The following TTL variants were observed in gnomAD, a reference collection of about 807,000 sequenced individuals.
TTL encodes tubulin tyrosine ligase.
In TTL, 10 loss-of-function variants were observed where a neutral mutation model predicts 41.1. That is an observed-to-expected ratio of 0.24 (90% CI 0.15 to 0.41). The LOEUF (loss-of-function observed/expected upper bound fraction) is 0.41, where lower values mean the gene tolerates loss of function less well. Ranked by LOEUF, TTL falls within the 10% of genes least tolerant of loss-of-function variation. TTL has a pLI of 1.00. For synonymous variants in TTL, 175 were observed against 175.5 expected, an observed-to-expected ratio of 1.00 and a Z score of 0.02; for missense variants, 367 against 460.4, an observed-to-expected ratio of 0.80 and a Z score of 1.86.
chr2:112,516,779 C>G (rs752629679), intron 5 of TTL, among the ~76,000 whole-genome samples: 1 of 152,204 alleles, frequency 6.6e-6, no homozygotes, highest in Non-Finnish European at 1.5e-5. Context: ...TACCCTGTCA[C>G]AATGACTGAG....
At chr2:112,523,041 AC>A (rs926085627) in intron 6 of TTL, among the ~76,000 whole-genome samples, 24 of 151,046 alleles carry the variant, frequency 1.6e-4, no homozygotes, top group African/African-American at 5.6e-4. Flanking sequence ...TCCTCCCTCC[AC>A]CTCCAAGGCC....
At chr2:112,502,780 A>G in intron 4 of TTL, 132 bp from the exon 5 acceptor site, 1 of 874,466 alleles carries the variant, frequency 1.1e-6, no homozygotes, top group South Asian at 2.4e-5. Context: ...AGTTTTAGAA[A>G]CTTCCTCCTT....
In TTL at chr2:112,513,935, A is replaced by G. The variant is rs187776457; in HGVS notation, c.876-6347A>G. On this transcript the variant is annotated intron_variant, in intron 5 of 6. Transcript: ENST00000233336. ...GGTGGGTACATGGGGAATAATTAAT[A>G]TTACATATATTTTAAACTCACAAGA... 9.9e-5 allele frequency among the ~76,000 whole-genome samples: 15 copies of G among 152,248 alleles called. No individual in the cohort carries two copies. The East Asian group carries it at 2.9e-3, about 29-fold the overall frequency.
intron 5 of TTL, among the ~76,000 whole-genome samples, chr2:112,512,688 C>T (rs556426414): frequency 1.3e-5 from 2 of 152,302 alleles, no homozygotes; most frequent in African/African-American, 4.8e-5. Context: ...TGAGCCATCT[C>T]GCCCGGCCCT....
chr2:112,510,683 A>G (rs1239342955), intron 5 of TTL, among the ~76,000 whole-genome samples: 1 of 152,092 alleles, frequency 6.6e-6, no homozygotes, highest in African/African-American at 2.4e-5. Flanking sequence ...GTTGGTCAGG[A>G]TGGTTGAGAT....
At position 112,534,914 on chromosome 2, in the gene TTL, A is replaced by C. The variant is rs1682571327; in HGVS notation, c.*6119A>C. On this transcript the variant is annotated 3_prime_UTR_variant, in exon 7 of 7. Transcript: ENST00000233336. ...CTGCACAAACAGAGAGGACAGAGGC[A>C]GAAGGAGGGAAAGAGGGAGGGAGGA... 6.7e-6 allele frequency: 1 copy of C among 148,946 alleles called. No individual in the cohort carries two copies. Among genetic ancestry groups the C allele is most frequent in the East Asian group, 2.1e-4 (1 of 4,822 alleles). 9.2% of individuals were successfully genotyped at this position (148,946 alleles called of 1,614,324 possible). A position where few individuals can be genotyped will look rare whatever the true frequency, so the allele number is the denominator to read the frequency against.
chr2:112,494,491 CAT>C (rs1559011914), intron 3 of TTL, 116 bp downstream of exon 3: 1 of 799,072 alleles, frequency 1.3e-6, no homozygotes, highest in Non-Finnish European at 2.0e-6. Flanking sequence ...TGTCTAGTTA[CAT>C]AGTTATAAAT....
intron 5 of TTL, among the ~76,000 whole-genome samples, chr2:112,509,845 C>T (rs140684765): frequency 1.3e-5 from 2 of 152,304 alleles, no homozygotes; most frequent in Non-Finnish European, 2.9e-5. Context: ...GGCTCCTCCT[C>T]CTGGTCTTGA....
At chr2:112,519,398 G>A (rs533954212) in intron 5 of TTL, among the ~76,000 whole-genome samples, 1 of 151,976 alleles carries the variant, frequency 6.6e-6, no homozygotes, top group East Asian at 1.9e-4. Flanking sequence ...CTTTTTTATT[G>A]TGTCACTAAA....
At chr2:112,483,398 A>C (rs1681149432) in intron 1 of TTL, 1 of 152,236 alleles carries the variant, frequency 6.6e-6, no homozygotes, top group African/African-American at 2.4e-5. Flanking sequence ...CCCTCTCTGC[A>C]CAGTCATCTG....
intron 3 of TTL, among the ~76,000 whole-genome samples, chr2:112,500,069 A>G (rs1681649486): frequency 6.6e-6 from 1 of 152,250 alleles, no homozygotes; most frequent in South Asian, 2.1e-4. Context: ...TACAATGGGG[A>G]TGAGCCTTGA....
chr2:112,502,276 A>T (rs1430394015), intron 4 of TTL, among the ~76,000 whole-genome samples: 1 of 152,186 alleles, frequency 6.6e-6, no homozygotes, highest in Non-Finnish European at 1.5e-5. Context: ...TTCAGGAGGA[A>T]CACTCTTTAA....
intron 1 of TTL, among the ~76,000 whole-genome samples, chr2:112,485,104 C>G (rs889321299): frequency 2.6e-5 from 4 of 152,000 alleles, no homozygotes; most frequent in African/African-American, 7.2e-5. Context: ...TGTGCGCCAC[C>G]ACGCCCAGCT....
chr2:112,515,711 G>A (rs1023282065), intron 5 of TTL, among the ~76,000 whole-genome samples: 3 of 152,114 alleles, frequency 2.0e-5, no homozygotes, highest in African/African-American at 4.8e-5. Flanking sequence ...ACTTTGGGAG[G>A]CCGAGGCAGG....
At position 112,529,117 on chromosome 2, in the gene TTL, C is replaced by T. The variant is rs1682442224; in HGVS notation, c.*322C>T. The T allele has an allele frequency of 4.6e-6, 2 of 432,104 alleles. No individual in the cohort carries two copies. Among genetic ancestry groups the T allele is most frequent in the South Asian group, 2.8e-5 (1 of 36,302 alleles). The allele number at this position is 432,104 out of a possible 1,614,324, so 26.8% of individuals were successfully genotyped here. A position where few individuals can be genotyped will look rare whatever the true frequency, so the allele number is the denominator to read the frequency against. Reference sequence around the variant, plus strand: ...GGGACCTCTGGTCGGTGCCTCCCACCCACTGCAGCCCTAGTGCCTTAGCTC... The same window carrying T: ...GGGACCTCTGGTCGGTGCCTCCCACTCACTGCAGCCCTAGTGCCTTAGCTC... On this transcript the variant is annotated 3_prime_UTR_variant, in exon 7 of 7. Transcript: ENST00000233336.
intron 4 of TTL, among the ~76,000 whole-genome samples, chr2:112,501,866 CAAAAA>C (rs67074839): frequency 0.015 from 2,059 of 138,072 alleles, 30 homozygotes; most frequent in African/African-American, 0.04. Context: ...ACTCCTGTGT[CAAAAA>C]AAAAAAAAAA....
intron 2 of TTL, among the ~76,000 whole-genome samples, chr2:112,493,023 G>A (rs138869348): frequency 3.3e-5 from 5 of 152,296 alleles, no homozygotes; most frequent in African/African-American, 1.2e-4. Context: ...ATGCAGATAC[G>A]GAGTTGAACT....
At chr2:112,518,113 C>T (rs982277582) in intron 5 of TTL, among the ~76,000 whole-genome samples, 17 of 150,728 alleles carry the variant, frequency 1.1e-4, no homozygotes, top group African/African-American at 4.1e-4. Context: ...GGATTACAGG[C>T]ATGCGCCACC....
chr2:112,500,405 T>A (rs1452776881), intron 3 of TTL, among the ~76,000 whole-genome samples: 1 of 152,042 alleles, frequency 6.6e-6, no homozygotes, highest in Admixed American at 6.6e-5. Context: ...ACCCCATATG[T>A]ACTAAAAATA....
Sources: gnomAD v4.1 joint callset for allele counts (sites outside exome capture counted in the v4.1 genomes callset) on GRCh38, gnomAD v4.1.1 for gene constraint, MANE v1.5 for transcripts, NCBI Gene and HGNC (gene_info 2026-07-23, HGNC 2026-07-21) for gene names.